The following HTR2C variants were observed in gnomAD, a reference collection of about 807,000 sequenced individuals.
The protein encoded by HTR2C is 5-hydroxytryptamine (serotonin) receptor 2C, G protein-coupled.
In HTR2C, 5 loss-of-function variants were observed where a neutral mutation model predicts 21.0. The observed-to-expected ratio is 0.24, with a 90% confidence interval of 0.12 to 0.50. The LOEUF is 0.50. HTR2C is among the 20% of genes least tolerant of loss of function. The probability of loss-of-function intolerance (pLI) is 0.98; values close to 1 mark genes in which losing one functional copy is unlikely to be tolerated. For missense variants in HTR2C, 271 were observed against 371.2 expected (o/e 0.73, Z 2.22); for synonymous variants, 150 against 145.3 (o/e 1.03, Z -0.23).
At chrX:114,695,158 T>C (rs1932240402) in intron 2 of HTR2C, among the ~76,000 whole-genome samples, 1 of 112,363 alleles carries the variant, frequency 8.9e-6, no homozygotes, top group South Asian at 3.6e-4. Context: ...TTAAGAACAA[T>C]AAGTATTATT....
intron 5 of HTR2C, among the ~76,000 whole-genome samples, chrX:114,890,160 T>A (rs1254010930): frequency 8.9e-6 from 1 of 112,007 alleles, no homozygotes; most frequent in Non-Finnish European, 1.9e-5. Context: ...TATTTTTAAA[T>A]TATTGAGCTA....
At chrX:114,615,104 G>A (rs1220590370) in intron 2 of HTR2C, among the ~76,000 whole-genome samples, 1 of 111,472 alleles carries the variant, frequency 9.0e-6, no homozygotes, top group Non-Finnish European at 1.9e-5. Context: ...ATCAAAATTC[G>A]AAAGAGGATA....
intron 4 of HTR2C, among the ~76,000 whole-genome samples, chrX:114,772,849 G>T (rs1243293996): frequency 9.0e-6 from 1 of 111,661 alleles, no homozygotes; most frequent in Non-Finnish European, 1.9e-5. Flanking sequence ...ACTCTTTCTT[G>T]TGAACTATTT....
chrX:114,593,022 G>T (rs955779945), intron 1 of HTR2C, among the ~76,000 whole-genome samples: 10 of 111,820 alleles, frequency 8.9e-5, no homozygotes, highest in Non-Finnish European at 1.3e-4. Context: ...AAAGATGTAC[G>T]GTTTGATTGG....
chrX:114,816,860 T>C (rs1260939824), intron 4 of HTR2C, among the ~76,000 whole-genome samples: 1 of 110,553 alleles, frequency 9.0e-6, no homozygotes, highest in Non-Finnish European at 1.9e-5. Context: ...GATGAAAATG[T>C]TGACGATTTA....
intron 4 of HTR2C, among the ~76,000 whole-genome samples, chrX:114,784,345 A>T (rs781857687): frequency 8.9e-6 from 1 of 111,925 alleles, no homozygotes. Context: ...ATATCTAGAC[A>T]AACATAACTT....
chrX:114,628,332 G>A (rs1194271966), intron 2 of HTR2C, among the ~76,000 whole-genome samples: 2 of 108,578 alleles, frequency 1.8e-5, no homozygotes, highest in South Asian at 4.1e-4. Flanking sequence ...TCTGCTGCCC[G>A]GGTTCAAGTG....
chrX:114,704,913 A>G (rs1434161143), intron 2 of HTR2C, among the ~76,000 whole-genome samples: 3 of 107,309 alleles, frequency 2.8e-5, no homozygotes, highest in Non-Finnish European at 3.9e-5. Context: ...TACACCAATA[A>G]CAGACAAACG....
Position 114,848,097 on chromosome X carries a change from A to G in HTR2C, c.444A>G (p.Ile148Met). 1.7e-6 allele frequency: 2 copies of G among 1,209,093 alleles called. No homozygotes were observed. The highest frequency in any genetic ancestry group is 2.2e-6 in the Non-Finnish European group (2 of 893,001). ...CGTCCATCATGCACCTCTGCGCTAT[A>G]TCGCTGGATCGGTATGTAGCAATAC... is the stretch of plus-strand genomic sequence containing the variant. ...STASIMHLCAISLDRYVAIRN... is the reference protein window; with the variant it reads ...STASIMHLCAMSLDRYVAIRN... The change falls in exon 5 of 6, where the codon ATA (isoleucine) becomes ATG (methionine). Residue 148 changes from isoleucine (I) to methionine (M), a missense_variant. By Grantham distance (10) the Ile-to-Met change is conservative (BLOSUM62 1). Around this residue, in one of 5 missense-constraint regions of HTR2C, gnomAD observed 4 missense variants for 24.7 expected, o/e 0.16. Coordinates refer to ENST00000276198, the MANE Select transcript of HTR2C (RefSeq NM_000868.4).
rs373251885 is a variant in HTR2C, at chrX:114,805,717, T to C, written c.350-42286T>C. Among the ~76,000 whole-genome samples the C allele has an allele frequency of 1.9e-4, 5 of 26,002 alleles. 1 individual carries two copies. Among genetic ancestry groups the C allele is most frequent in the East Asian group, 3.3e-3 (2 of 615 alleles). The allele number at this position is 26,002 out of a possible 115,157, so 22.6% of individuals were successfully genotyped here. A position where few individuals can be genotyped will look rare whatever the true frequency, so the allele number is the denominator to read the frequency against. On this transcript the variant is annotated intron_variant, in intron 4 of 5. Transcript: ENST00000276198. Reference sequence around the variant, plus strand: ...ATACACCATATATATACCATATATATACCATATATACACCATATATACACC... The same window carrying C: ...ATACACCATATATATACCATATATACACCATATATACACCATATATACACC...
At chrX:114,697,058 A>T (rs880003561) in intron 2 of HTR2C, among the ~76,000 whole-genome samples, 1 of 112,023 alleles carries the variant, frequency 8.9e-6, no homozygotes, top group African/African-American at 3.2e-5. Flanking sequence ...CAGTGTTTCA[A>T]TAACAATTAC....
At chrX:114,891,573 T>C (rs1055112168) in intron 5 of HTR2C, among the ~76,000 whole-genome samples, 1 of 110,785 alleles carries the variant, frequency 9.0e-6, no homozygotes, top group African/African-American at 3.3e-5. Context: ...CTATGGAGTT[T>C]AAAGATCAGC....
intron 2 of HTR2C, among the ~76,000 whole-genome samples, chrX:114,627,323 T>G (rs782138704): frequency 3.4e-4 from 38 of 110,622 alleles, no homozygotes; most frequent in African/African-American, 1.2e-3. Flanking sequence ...CTATGAGGGT[T>G]ATAATAAAGA....
At chrX:114,862,515 G>C (rs2071014006) in intron 5 of HTR2C, among the ~76,000 whole-genome samples, 1 of 110,981 alleles carries the variant, frequency 9.0e-6, no homozygotes, top group African/African-American at 3.3e-5. Flanking sequence ...TTTCTGATAA[G>C]GAAGGCATCG....
chrX:114,778,081 T>C (rs373165337), intron 4 of HTR2C, among the ~76,000 whole-genome samples: 60 of 111,913 alleles, frequency 5.4e-4, no homozygotes, highest in African/African-American at 1.8e-3. Context: ...TCTCTGAAGA[T>C]ATTTTTTAAT....
chrX:114,644,241 G>A (rs1305227202), intron 2 of HTR2C, among the ~76,000 whole-genome samples: 1 of 103,810 alleles, frequency 9.6e-6, no homozygotes, highest in Non-Finnish European at 2.0e-5. Context: ...AGCTACTCAG[G>A]AGGCTGAGGC....
intron 1 of HTR2C, among the ~76,000 whole-genome samples, chrX:114,601,249 A>G (rs1928070990): frequency 9.0e-6 from 1 of 111,503 alleles, no homozygotes; most frequent in African/African-American, 3.3e-5. Flanking sequence ...ATCAAGGTAC[A>G]GAATTGCCCC....
At chrX:114,821,234 A>G (rs781983658) in intron 4 of HTR2C, among the ~76,000 whole-genome samples, 1 of 34,849 alleles carries the variant, frequency 2.9e-5, no homozygotes, top group South Asian at 2.7e-3. Context: ...GTACGTACAG[A>G]CTATCAGATC....
At chrX:114,738,388 G>A (rs142151050) in intron 4 of HTR2C, among the ~76,000 whole-genome samples, 1 of 111,214 alleles carries the variant, frequency 9.0e-6, no homozygotes, top group African/African-American at 3.3e-5. Context: ...CACCATAAAT[G>A]TATACTAATT....
Sources: gnomAD v4.1 joint callset for allele counts (sites outside exome capture counted in the v4.1 genomes callset) on GRCh38, gnomAD v4.1.1 for gene constraint, gnomAD v4.1.1 regional missense constraint, MANE v1.5 for transcripts, NCBI Gene and HGNC (gene_info 2026-07-23, HGNC 2026-07-21) for gene names.